The following WBP2 variants were observed in gnomAD, a reference collection of about 807,000 sequenced individuals.
WBP2 encodes WW domain-binding protein 2.
A neutral mutation model predicts 33.0 loss-of-function variants in WBP2; 23 were observed. The observed-to-expected ratio is 0.70, with a 90% CI of 0.50 to 0.99. The LOEUF is 0.99. WBP2 is among the 50% of genes least tolerant of loss of function. The pLI is 0.00. For synonymous variants in WBP2, 153 were observed against 133.5 expected (o/e 1.15, Z -1.01); for missense variants, 353 against 358.0 (o/e 0.99, Z 0.11).
chr17:75,855,467 C>T, upstream of WBP2: 1 of 660,360 alleles, frequency 1.5e-6, no homozygotes, highest in East Asian at 2.7e-5. Context: ...CTCCCTCCTT[C>T]CAGTTCCTCC....
chr17:75,855,164 A>ACCACCCC (rs2065050388), intron 1 of WBP2, 75 bp downstream of exon 1: 1 of 270,674 alleles, frequency 3.7e-6, no homozygotes, highest in African/African-American at 7.0e-5. Context: ...CTTATTCCCC[A>ACCACCCC]CCACCCACCA....
chr17:75,846,661 C>T lies in WBP2; in HGVS notation c.*73G>A, dbSNP rs112525741. On this transcript the variant is annotated 3_prime_UTR_variant, in exon 8 of 8. Transcript: ENST00000254806. The surrounding 1 kb of genome is among the most constrained non-coding windows in gnomAD (Gnocchi z 4.8). ...AGAACAAGGCGCCCCCTCCCCTCCC[C>T]AAGCCCCAGCACAGCCCCGATGGGA... 1.3e-6 allele frequency: 2 copies of T among 1,491,238 alleles called. No individual in the cohort carries two copies. The highest frequency in any genetic ancestry group is 9.1e-7 in the Non-Finnish European group (1 of 1,104,940). The allele number at this position is 1,491,238 out of a possible 1,614,324, so 92.4% of individuals were successfully genotyped here. A position where few individuals can be genotyped will look rare whatever the true frequency, so the allele number is the denominator to read the frequency against.
At chr17:75,855,415 T>G (rs1217905903), upstream of WBP2, 5 of 1,164,732 alleles carry the variant, frequency 4.3e-6, no homozygotes, top group African/African-American at 1.5e-5. Flanking sequence ...GTGCGGAGGC[T>G]GGCCCAAACA....
At chr17:75,849,312 C>T (rs942168237) in intron 3 of WBP2, 5 of 332,008 alleles carry the variant, frequency 1.5e-5, no homozygotes, top group Non-Finnish European at 2.8e-5. Flanking sequence ...GCAGCTCCTT[C>T]CTGAGTCTAA....
chr17:75,847,168 G>T, intron 6 of WBP2, 184 bp from the exon 7 acceptor site: 1 of 701,908 alleles, frequency 1.4e-6, no homozygotes, highest in Non-Finnish European at 2.4e-6. Context: ...CAGGCCCATC[G>T]CATGTCTCAC....
Position 75,846,388 on chromosome 17 carries a change from T to A in WBP2, c.*346A>T. 2.6e-6 allele frequency: 1 copy of A among 379,446 alleles called. No individual in the cohort carries two copies. The highest frequency in any genetic ancestry group is 4.9e-6 in the Non-Finnish European group (1 of 202,170). The allele number at this position is 379,446 out of a possible 1,614,324, so 23.5% of individuals were successfully genotyped here. ...CTGAGTGTAGCAGTGGGTGCCAGACTGAGGGAGCTGGACTGCGGTGGAGGA... is the reference window on the plus strand; with the variant it reads ...CTGAGTGTAGCAGTGGGTGCCAGACAGAGGGAGCTGGACTGCGGTGGAGGA... On this transcript the variant is annotated 3_prime_UTR_variant, in exon 8 of 8. Coordinates refer to ENST00000254806, the MANE Select transcript of WBP2 (RefSeq NM_012478.4). The surrounding 1 kb of genome is among the most constrained non-coding windows in gnomAD (Gnocchi z 4.8).
chr17:75,848,731 T>C lies in WBP2; in HGVS notation c.305-69A>G. The C allele has an allele frequency of 2.1e-6, 3 of 1,412,722 alleles. No homozygotes were observed. The South Asian group carries it at 3.6e-5, about 17-fold the overall frequency. 87.5% of individuals were successfully genotyped at this position (1,412,722 alleles called of 1,614,324 possible). A position where few individuals can be genotyped will look rare whatever the true frequency, so the allele number is the denominator to read the frequency against. ...ACTTATGCCCAAAGAGATGGCTGTT[T>C]TCCTCTCCAGGACTTCATCCAACGC... On this transcript the variant is annotated intron_variant, in intron 3 of 7. Transcript: ENST00000254806.
chr17:75,849,834 A>T, intron 2 of WBP2, 95 bp from the exon 3 acceptor site: 4 of 1,516,230 alleles, frequency 2.6e-6, no homozygotes. Flanking sequence ...ATCCTCTCCC[A>T]GTGCCAGGGT....
chr17:75,855,294 C>A lies in WBP2; in HGVS notation c.4G>T (p.Ala2Ser), dbSNP rs774001838. ...CCCTCCGAGTGATTCTTGTTGAGCG[C>A]CATAGTCTCTCCAACAGGGGTCCCG... MALNKNHSEGGG... is the reference protein window; with the variant it reads MSLNKNHSEGGG... Residue 2 changes from alanine to serine, a missense_variant, in exon 1 of 8, where the codon GCG becomes TCG. Ala to Ser is a moderately conservative substitution (Grantham distance 99, BLOSUM62 1). Coordinates refer to ENST00000254806, the MANE Select transcript of WBP2 (RefSeq NM_012478.4). The A allele has an allele frequency of 1.2e-6, 2 of 1,612,660 alleles. No homozygotes were observed. The highest frequency in any genetic ancestry group is 1.1e-5 in the South Asian group (1 of 91,048).
At chr17:75,851,534 G>C in intron 2 of WBP2, 34 bp downstream of exon 2, 1 of 1,529,572 alleles carries the variant, frequency 6.5e-7, no homozygotes, top group Non-Finnish European at 9.1e-7. Flanking sequence ...ACAGCAACAA[G>C]CCTCTCAACC....
intron 6 of WBP2, 165 bp from the exon 7 acceptor site, chr17:75,847,149 G>T: frequency 1.3e-6 from 1 of 760,110 alleles, no homozygotes. Context: ...GCGCTGGCAC[G>T]GTCCTTTCCA....
At chr17:75,850,339 G>A (rs1340537876) in intron 2 of WBP2, among the ~76,000 whole-genome samples, 2 of 151,396 alleles carry the variant, frequency 1.3e-5, no homozygotes, top group African/African-American at 4.9e-5. Context: ...TCCGCCTCCC[G>A]GGTTCACGCC....
chr17:75,854,558 A>G (rs189063617), intron 1 of WBP2, among the ~76,000 whole-genome samples: 2 of 152,314 alleles, frequency 1.3e-5, no homozygotes, highest in East Asian at 3.9e-4. Context: ...GGGAATGACT[A>G]CGGACCCACA....
intron 1 of WBP2, chr17:75,852,895 G>C (rs1056587815): frequency 1.4e-6 from 1 of 717,366 alleles, no homozygotes; most frequent in Non-Finnish European, 1.7e-6. Flanking sequence ...TTTAAACCTG[G>C]GTTCTTAAGC....
At chr17:75,849,544 G>C in intron 3 of WBP2, 60 bp downstream of exon 3, 2 of 1,604,420 alleles carry the variant, frequency 1.2e-6, no homozygotes, top group Non-Finnish European at 1.7e-6. Flanking sequence ...GCGGCAGTCA[G>C]AGGTTCCCAG....
chr17:75,847,581 G>A lies in WBP2; in HGVS notation c.561C>T (p.Asp187=), dbSNP rs762208671. 15 of 1,611,244 alleles carry A rather than the reference G, an allele frequency of 9.3e-6. No homozygotes were observed. Among genetic ancestry groups the A allele is most frequent in the South Asian group, 2.2e-5 (2 of 90,918 alleles). Residue 187 remains aspartate, a synonymous_variant, in exon 6 of 8, where the codon GAC becomes GAT. Coordinates refer to ENST00000254806, the MANE Select transcript of WBP2 (RefSeq NM_012478.4). ...PEFYPGPPMM[D]GAMGYVQPPP... is the part of the protein sequence containing the mutation. ...GGGGCTGCACGTATCCCATGGCCCC[G>A]TCCATCATGGGGGGTCCTGGATAGA...
In WBP2 at chr17:75,855,318, C is replaced by T. The variant is rs751853752; in HGVS notation, c.-21G>A. ...GCCATAGTCTCTCCAACAGGGGTCC[C>T]GAGACTCAAAACGCAATGAGCTTGC... On this transcript the variant is annotated 5_prime_UTR_variant, in exon 1 of 8. Transcript: ENST00000254806. 3 of 1,611,310 alleles carry T rather than the reference C, an allele frequency of 1.9e-6. No individual in the cohort carries two copies. The highest frequency in any genetic ancestry group is 3.3e-4 in the Middle Eastern group (2 of 6,060).
Position 75,855,221 on chromosome 17 carries a change from C to T in WBP2, c.59+18G>A. ...ACCCGAACTTTGGTCCTCCAGGATCCTTCCGCAGTGTTTTCACCTCTCGGT... is the reference window on the plus strand; with the variant it reads ...ACCCGAACTTTGGTCCTCCAGGATCTTTCCGCAGTGTTTTCACCTCTCGGT... On this transcript the variant is annotated intron_variant, in intron 1 of 7. Transcript: ENST00000254806. 6.2e-7 allele frequency: 1 copy of T among 1,611,022 alleles called. No individual in the cohort carries two copies. The highest frequency in any genetic ancestry group is 8.5e-7 in the Non-Finnish European group (1 of 1,179,134).
chr17:75,848,515 CA>C, intron 4 of WBP2, 54 bp downstream of exon 4: 2 of 1,540,846 alleles, frequency 1.3e-6, no homozygotes, highest in Non-Finnish European at 1.8e-6. Context: ...AAACTCATAC[CA>C]AACCCCTACA....
Sources: gnomAD v4.1 joint callset for allele counts (sites outside exome capture counted in the v4.1 genomes callset) on GRCh38, gnomAD v4.1.1 for gene constraint, Gnocchi (gnomAD v3.1) non-coding constraint, MANE v1.5 for transcripts, NCBI Gene and HGNC (gene_info 2026-07-23, HGNC 2026-07-21) for gene names.